Variants in RB1 observed in about 807,000 individuals in gnomAD.
RB1 encodes retinoblastoma-associated protein.
Under a neutral mutation model 135.4 loss-of-function variants are expected in RB1, and 18 were observed. The ratio of observed to expected loss-of-function variants is 0.13; its 90% confidence interval spans 0.09 to 0.20. The LOEUF is 0.20. Among genes scored for constraint, RB1 ranks in the 10% least tolerant of loss-of-function variants. The probability of loss-of-function intolerance (pLI) is 1.00; values close to 1 mark genes in which losing one functional copy is unlikely to be tolerated. For missense variants in RB1, 868 were observed against 1,110.0 expected (o/e 0.78, Z 3.10); for synonymous variants, 365 against 373.2 (o/e 0.98, Z 0.25).
At chr13:48,408,073 A>T (rs1948755510) in intron 17 of RB1, among the ~76,000 whole-genome samples, 1 of 152,112 alleles carries the variant, frequency 6.6e-6, no homozygotes, top group African/African-American at 2.4e-5. Flanking sequence ...TGTTTCTCGG[A>T]TGGGAATATG....
chr13:48,437,666 G>A (rs918445611), intron 17 of RB1, among the ~76,000 whole-genome samples: 2 of 152,256 alleles, frequency 1.3e-5, no homozygotes, highest in Admixed American at 6.5e-5. Context: ...GAGCCTCTCC[G>A]TAGGGCTACT....
intron 4 of RB1, among the ~76,000 whole-genome samples, chr13:48,347,301 A>G (rs949616596): frequency 2.6e-5 from 4 of 152,100 alleles, no homozygotes; most frequent in Non-Finnish European, 4.4e-5. Flanking sequence ...AGCATCTTAG[A>G]GATTAGCATG....
Position 48,465,100 on chromosome 13 carries a change from G to T in RB1, c.2314G>T (p.Ala772Ser), listed in dbSNP as rs2138345022. 6.2e-7 allele frequency: 1 copy of T among 1,612,876 alleles called. No individual in the cohort carries two copies. The highest frequency in any genetic ancestry group is 8.5e-7 in the Non-Finnish European group (1 of 1,179,674). The change falls in exon 22 of 27, where the codon GCT becomes TCT. Residue 772 changes from alanine (A) to serine (S), a missense_variant. This residue lies in a region of RB1 where 196 missense variants were observed against 239.8 expected (regional missense o/e 0.82). Coordinates refer to ENST00000267163, the MANE Select transcript of RB1 (RefSeq NM_000321.3). Reference sequence around the variant, plus strand: ...ACTGAAAACAAATATTTTGCAGTATGCTTCCACCAGGGTAGGTCAAAAGTA... The same window carrying T: ...ACTGAAAACAAATATTTTGCAGTATTCTTCCACCAGGGTAGGTCAAAAGTA... ...QRLKTNILQY[A>S]STRPPTLSPI...
intron 2 of RB1, chr13:48,320,440 G>A: frequency 1.0e-6 from 1 of 991,704 alleles, no homozygotes; most frequent in Non-Finnish European, 1.6e-6. Flanking sequence ...TTTGGACTGG[G>A]GAGCAACCCC....
chr13:48,307,699 C>CG (rs1952095281), intron 2 of RB1, among the ~76,000 whole-genome samples: 2 of 129,700 alleles, frequency 1.5e-5, no homozygotes, highest in Non-Finnish European at 3.3e-5. Context: ...TACTAAAATA[C>CG]AAAAAAAAAA....
At chr13:48,455,384 C>T (rs998469178) in intron 18 of RB1, among the ~76,000 whole-genome samples, 2 of 152,248 alleles carry the variant, frequency 1.3e-5, no homozygotes, top group East Asian at 1.9e-4. Context: ...GGCCAGTTTA[C>T]GATACTGTCA....
chr13:48,423,066 G>T (rs1949029593), intron 17 of RB1, among the ~76,000 whole-genome samples: 1 of 151,990 alleles, frequency 6.6e-6, no homozygotes, highest in African/African-American at 2.4e-5. Flanking sequence ...GGAGATTGAG[G>T]CTGCATTGAG....
At chr13:48,473,244 A>C in intron 23 of RB1, 116 bp from the exon 24 acceptor site, 3 of 788,568 alleles carry the variant, frequency 3.8e-6, no homozygotes, top group Non-Finnish European at 6.4e-6. Flanking sequence ...GTTCTAGGGT[A>C]GAGGTAACCT....
intron 6 of RB1, among the ~76,000 whole-genome samples, chr13:48,352,264 A>G (rs1423554325): frequency 7.9e-5 from 12 of 152,008 alleles, no homozygotes; most frequent in Non-Finnish European, 1.2e-4. Flanking sequence ...GCCCTGTAGT[A>G]TAGTCTGAAG....
chr13:48,306,728 A>T (rs1379823707), intron 1 of RB1, among the ~76,000 whole-genome samples: 1 of 152,274 alleles, frequency 6.6e-6, no homozygotes. Context: ...TTATTAGTAG[A>T]TAACACATAG....
intron 17 of RB1, among the ~76,000 whole-genome samples, chr13:48,397,104 A>G (rs962983684): frequency 3.3e-5 from 5 of 152,226 alleles, no homozygotes; most frequent in African/African-American, 1.2e-4. Flanking sequence ...TCAAGGATCT[A>G]GAGCCAGAAA....
At chr13:48,474,037 G>C (rs4151613) in intron 24 of RB1, among the ~76,000 whole-genome samples, 3,157 of 152,216 alleles carry the variant, frequency 0.021, 106 homozygotes, top group African/African-American at 0.068. Flanking sequence ...TGAACAGCCA[G>C]ATGAAGAAAT....
intron 17 of RB1, among the ~76,000 whole-genome samples, chr13:48,430,716 G>T (rs1247575592): frequency 2.0e-5 from 3 of 151,886 alleles, no homozygotes; most frequent in African/African-American, 7.3e-5. Context: ...CTCTAGCCTG[G>T]GTGACAGAGT....
chr13:48,413,820 AT>A (rs1948860365), intron 17 of RB1, among the ~76,000 whole-genome samples: 1 of 152,204 alleles, frequency 6.6e-6, no homozygotes, highest in Non-Finnish European at 1.5e-5. Context: ...ACAAAATGAA[AT>A]TGCATCTTTT....
At chr13:48,335,857 G>C (rs1276625756) in intron 2 of RB1, among the ~76,000 whole-genome samples, 1 of 152,026 alleles carries the variant, frequency 6.6e-6, no homozygotes, top group African/African-American at 2.4e-5. Flanking sequence ...AGCAGAATGA[G>C]ATATGAGAAT....
In RB1 at chr13:48,460,773, C is replaced by A. The variant is rs951629465; in HGVS notation, c.2106+940C>A. 4.6e-5 allele frequency among the ~76,000 whole-genome samples: 7 copies of A among 152,076 alleles called. No homozygotes were observed. The South Asian group carries it at 8.3e-4, about 18-fold the overall frequency. On this transcript the variant is annotated intron_variant, in intron 20 of 26. Coordinates refer to ENST00000267163, the MANE Select transcript of RB1 (RefSeq NM_000321.3). Reference sequence around the variant, plus strand: ...CTCAGGAGTTTGAGACCAGCCTGGGCAACCTGGCAAAACTCTGTCTCTACA... The same window carrying A: ...CTCAGGAGTTTGAGACCAGCCTGGGAAACCTGGCAAAACTCTGTCTCTACA...
intron 2 of RB1, among the ~76,000 whole-genome samples, chr13:48,308,341 C>A (rs1021597064): frequency 1.4e-5 from 2 of 145,484 alleles, no homozygotes; most frequent in African/African-American, 4.9e-5. Context: ...CACAGGAAGA[C>A]CCTGTTGCAA....
chr13:48,319,187 T>C lies in RB1; in HGVS notation c.264+11781T>C. 1.6e-6 allele frequency: 1 copy of C among 636,636 alleles called. No individual in the cohort carries two copies. Among genetic ancestry groups the C allele is most frequent in the Non-Finnish European group, 2.6e-6 (1 of 380,654 alleles). The allele number at this position is 636,636 out of a possible 1,614,324, so 39.4% of individuals were successfully genotyped here. On this transcript the variant is annotated intron_variant, in intron 2 of 26. Transcript: ENST00000267163. This position sits in a 1 kb window ranked among gnomAD's most constrained non-coding sequence, Gnocchi z 5.0. ...CGTCTAGGCACCCCGGGCAAGGGTC[T>C]GTGGCCTTGGTGGCCACTGGCTTCC...
At chr13:48,362,225 C>T (rs977635636) in intron 7 of RB1, among the ~76,000 whole-genome samples, 7 of 151,984 alleles carry the variant, frequency 4.6e-5, no homozygotes, top group Non-Finnish European at 8.8e-5. Flanking sequence ...GGATTACAGG[C>T]GTGAGCCACC....
Sources: gnomAD v4.1 joint callset for allele counts (sites outside exome capture counted in the v4.1 genomes callset) on GRCh38, gnomAD v4.1.1 for gene constraint, gnomAD v4.1.1 regional missense constraint, Gnocchi (gnomAD v3.1) non-coding constraint, MANE v1.5 for transcripts, NCBI Gene and HGNC (gene_info 2026-07-23, HGNC 2026-07-21) for gene names.